The following KCNN3 variants were observed in gnomAD, a reference collection of about 807,000 sequenced individuals.
The protein encoded by KCNN3 is potassium calcium-activated channel subfamily N member 3.
KCNN3 carries 16 observed loss-of-function variants against 62.9 expected under a neutral mutation model. The ratio of observed to expected loss-of-function variants is 0.25; its 90% CI spans 0.17 to 0.39. The LOEUF is 0.39. KCNN3 is among the 10% of genes least tolerant of loss of function. KCNN3 has a pLI of 1.00. For synonymous variants in KCNN3, 370 were observed against 389.2 expected, an observed-to-expected ratio of 0.95 and a Z score of 0.58; for missense variants, 599 against 949.4, an observed-to-expected ratio of 0.63 and a Z score of 4.85.
Position 154,778,120 on chromosome 1 carries a change from C to T in KCNN3, c.1030-5727G>A, listed in dbSNP as rs899245807. Among the ~76,000 whole-genome samples, 18 of 152,156 alleles carry T rather than the reference C, an allele frequency of 1.2e-4. 1 individual carries two copies. Among genetic ancestry groups the T allele is most frequent in the Admixed American group, 3.9e-4 (6 of 15,278 alleles). On this transcript the variant is annotated intron_variant, in intron 2 of 7. Transcript: ENST00000271915. ...TGCTCTGTCCAGAGGTGGCTCTAGG[C>T]CTAATCCCTCTACCACTTAACTGGT...
At chr1:154,798,403 A>C (rs1435307337) in intron 2 of KCNN3, among the ~76,000 whole-genome samples, 1 of 152,246 alleles carries the variant, frequency 6.6e-6, no homozygotes, top group Non-Finnish European at 1.5e-5. Context: ...CCATGAAGGC[A>C]GCAAATAGCG....
chr1:154,834,308 A>G (rs1651493299), intron 1 of KCNN3, among the ~76,000 whole-genome samples: 1 of 152,350 alleles, frequency 6.6e-6, no homozygotes, highest in Admixed American at 6.5e-5. Flanking sequence ...CCACACACCA[A>G]CGTGGGCCAC....
rs189216466 is a variant in KCNN3, at chr1:154,731,437, G to C, written c.1590+1566C>G. The stretch of plus-strand genomic sequence containing the variant: ...GGAGTCAGAAAGGAGGAGAGAGCCT[G>C]GCCCCTCCTGCTCAGCAGGCTGACT... On this transcript the variant is annotated intron_variant, in intron 4 of 7. Transcript: ENST00000271915. Among the ~76,000 whole-genome samples the C allele has an allele frequency of 2.6e-5, 4 of 152,356 alleles. No individual in the cohort carries two copies. The East Asian group carries it at 7.7e-4, about 29-fold the overall frequency.
Position 154,829,108 on chromosome 1 carries a change from C to T in KCNN3, c.934-6924G>A, listed in dbSNP as rs555088230. Among the ~76,000 whole-genome samples the T allele has an allele frequency of 3.9e-5, 6 of 152,372 alleles. No homozygotes were observed. In the South Asian group the frequency reaches 6.2e-4, roughly 16 times the overall value. On this transcript the variant is annotated intron_variant, in intron 1 of 7. Coordinates refer to ENST00000271915, the MANE Select transcript of KCNN3 (RefSeq NM_002249.6). ...GCTGCCCTCTGCACCATCATCGCCC[C>T]GTCACCTTGACATCCCATCCTGTCC...
intron 1 of KCNN3, among the ~76,000 whole-genome samples, chr1:154,861,415 C>A (rs956709713): frequency 6.6e-6 from 1 of 152,144 alleles, no homozygotes; most frequent in Non-Finnish European, 1.5e-5. Context: ...ACTGCCTGCC[C>A]AAAGCCTCTC....
At chr1:154,762,778 A>G (rs1648078784) in intron 3 of KCNN3, among the ~76,000 whole-genome samples, 1 of 152,146 alleles carries the variant, frequency 6.6e-6, no homozygotes. Flanking sequence ...GAGCTTGCTC[A>G]TGGTTTCTTC....
intron 7 of KCNN3, among the ~76,000 whole-genome samples, chr1:154,712,985 G>A (rs917651463): frequency 6.6e-6 from 1 of 152,084 alleles, no homozygotes; most frequent in Non-Finnish European, 1.5e-5. Context: ...CACCACTGCC[G>A]CCAATTTGAG....
Position 154,870,192 on chromosome 1 carries a change from G to A in KCNN3, c.-228C>T, listed in dbSNP as rs1216776803. 1.0e-5 allele frequency: 7 copies of A among 698,888 alleles called. No individual in the cohort carries two copies. The South Asian group carries it at 1.0e-4, about 10-fold the overall frequency. 43.3% of individuals were successfully genotyped at this position (698,888 alleles called of 1,614,324 possible). On this transcript the variant is annotated 5_prime_UTR_variant, in exon 1 of 8. Coordinates refer to ENST00000271915, the MANE Select transcript of KCNN3 (RefSeq NM_002249.6). Reference sequence around the variant, plus strand: ...AGGGAGAGCAGGAGGGGAGCTTGGAGAAAGAAGAGGGGGTGAAAGAACTCT... The same window carrying A: ...AGGGAGAGCAGGAGGGGAGCTTGGAAAAAGAAGAGGGGGTGAAAGAACTCT...
intron 2 of KCNN3, among the ~76,000 whole-genome samples, chr1:154,780,432 A>G (rs10908441): frequency 0.56 from 84,155 of 149,468 alleles, 23,977 homozygotes; most frequent in East Asian, 0.67. Flanking sequence ...TCTAAATTAA[A>G]GGAGAGAAAA....
At chr1:154,712,213 G>T (rs1700094080) in intron 7 of KCNN3, among the ~76,000 whole-genome samples, 1 of 152,166 alleles carries the variant, frequency 6.6e-6, no homozygotes, top group African/African-American at 2.4e-5. Flanking sequence ...CCTGGAATGA[G>T]ACTCCCTTAT....
intron 3 of KCNN3, among the ~76,000 whole-genome samples, chr1:154,771,067 A>G (rs1036800366): frequency 2.8e-3 from 135 of 47,440 alleles, no homozygotes; most frequent in African/African-American, 6.0e-3. Flanking sequence ...AGATAAATAA[A>G]TAAATAAATA....
At chr1:154,723,818 A>C (rs1199126306) in intron 5 of KCNN3, among the ~76,000 whole-genome samples, 1 of 152,240 alleles carries the variant, frequency 6.6e-6, no homozygotes, top group Non-Finnish European at 1.5e-5. Context: ...AAATTGCTTC[A>C]GGAAAATAGA....
Position 154,858,424 on chromosome 1 carries a change from C to T in KCNN3, c.933+10608G>A, listed in dbSNP as rs139358027. ...CACCTCCCAAATAAAGGGGCCGCTGCGCAAGGCCACACAGCCAAATAGCCA... is the reference window on the plus strand; with the variant it reads ...CACCTCCCAAATAAAGGGGCCGCTGTGCAAGGCCACACAGCCAAATAGCCA... On this transcript the variant is annotated intron_variant, in intron 1 of 7. Transcript: ENST00000271915. Among the ~76,000 whole-genome samples, 1,017 of 152,336 alleles carry T rather than the reference C, an allele frequency of 6.7e-3. 15 individuals are homozygous for T. The highest frequency in any genetic ancestry group is 0.023 in the African/African-American group (942 of 41,586).
At chr1:154,747,908 G>C (rs545232793) in intron 3 of KCNN3, among the ~76,000 whole-genome samples, 1 of 152,102 alleles carries the variant, frequency 6.6e-6, no homozygotes, top group Admixed American at 6.5e-5. Flanking sequence ...CCCTCTGCCC[G>C]GAGGCCCCTT....
intron 2 of KCNN3, among the ~76,000 whole-genome samples, chr1:154,779,282 G>A (rs1282039380): frequency 6.6e-6 from 1 of 152,132 alleles, no homozygotes. Flanking sequence ...TCTTATATTT[G>A]GCACATATTA....
intron 4 of KCNN3, among the ~76,000 whole-genome samples, chr1:154,727,422 C>T (rs954049488): frequency 1.1e-4 from 17 of 152,188 alleles, no homozygotes; most frequent in African/African-American, 3.9e-4. Context: ...ATGGGTGGAT[C>T]CATTCCCTAC....
At chr1:154,799,446 C>A (rs1374161194) in intron 2 of KCNN3, among the ~76,000 whole-genome samples, 2 of 152,196 alleles carry the variant, frequency 1.3e-5, no homozygotes, top group African/African-American at 4.8e-5. Context: ...CTAGCCAGGG[C>A]ACCTCTAGAG....
chr1:154,773,724 C>G (rs564429935), intron 2 of KCNN3, among the ~76,000 whole-genome samples: 1 of 152,326 alleles, frequency 6.6e-6, no homozygotes, highest in Non-Finnish European at 1.5e-5. Flanking sequence ...ACACAGGTGC[C>G]AAATTGGCTG....
At position 154,869,920 on chromosome 1, in the gene KCNN3, C is replaced by A. The variant is rs1653117880; in HGVS notation, c.45G>T (p.Leu15Phe). The change falls in exon 1 of 8, where the codon TTG becomes TTT. Residue 15 changes from leucine (L) to phenylalanine (F), a missense_variant. Transcript: ENST00000271915. The surrounding 1 kb of genome is among the most constrained non-coding windows in gnomAD (Gnocchi z 6.1). ...GHFHDSGVGD[L>F]DEDPKCPCPS... ...GACAGGGGCACTTGGGGTCTTCATC[C>A]AAGTCCCCCACCCCCGAGTCATGGA... 2 of 1,610,456 alleles carry A rather than the reference C, an allele frequency of 1.2e-6. No homozygotes were observed. Among genetic ancestry groups the A allele is most frequent in the Non-Finnish European group, 1.7e-6 (2 of 1,178,514 alleles).
Sources: allele counts gnomAD v4.1 joint callset (sites outside exome capture counted in the v4.1 genomes callset), GRCh38; gene constraint gnomAD v4.1.1; non-coding constraint Gnocchi (gnomAD v3.1); transcripts MANE v1.5; gene names NCBI Gene and HGNC (gene_info 2026-07-23, HGNC 2026-07-21).